GNPTAB: variants seen among roughly 807,000 people sequenced by gnomAD.
GNPTAB encodes N-acetylglucosamine-1-phosphate transferase subunits alpha and beta.
A neutral mutation model predicts 136.6 loss-of-function variants in GNPTAB; 92 were observed. The ratio of observed to expected loss-of-function variants is 0.67; its 90% CI spans 0.57 to 0.80. The LOEUF (loss-of-function observed/expected upper bound fraction) is 0.80, where lower values mean the gene tolerates loss of function less well. Among genes scored for constraint, GNPTAB ranks in the 30% least tolerant of loss-of-function variants. The pLI, the probability that GNPTAB is intolerant of heterozygous loss-of-function variation, is 0.00. For synonymous variants in GNPTAB, 512 were observed against 535.1 expected (o/e 0.96, Z 0.60); for missense variants, 1,343 against 1,501.8 (o/e 0.89, Z 1.75).
At chr12:101,795,475 G>A (rs919573762) in intron 2 of GNPTAB, among the ~76,000 whole-genome samples, 16 of 152,154 alleles carry the variant, frequency 1.1e-4, no homozygotes, top group African/African-American at 3.6e-4. Flanking sequence ...AGAATAGGCC[G>A]AGAGCGGTGA....
chr12:101,758,739 G>A (rs1465926563), intron 16 of GNPTAB, among the ~76,000 whole-genome samples: 1 of 152,184 alleles, frequency 6.6e-6, no homozygotes, highest in Non-Finnish European at 1.5e-5. Flanking sequence ...TTTCACCAAT[G>A]GCTGCCACTT....
At chr12:101,755,888 G>A (rs943359162) in intron 18 of GNPTAB, among the ~76,000 whole-genome samples, 22 of 152,162 alleles carry the variant, frequency 1.4e-4, no homozygotes, top group Admixed American at 9.2e-4. Context: ...AAATGTCTAT[G>A]AATACTCTAA....
chr12:101,781,175 T>A (rs1347290628), intron 5 of GNPTAB, among the ~76,000 whole-genome samples: 2 of 151,976 alleles, frequency 1.3e-5, no homozygotes, highest in Admixed American at 1.3e-4. Context: ...GGATTGGGGG[T>A]GACACAGCCC....
intron 7 of GNPTAB, chr12:101,773,902 T>C (rs1403655969): frequency 6.6e-6 from 1 of 152,244 alleles, no homozygotes; most frequent in African/African-American, 2.4e-5. Flanking sequence ...ATATATGGCA[T>C]CTTATTTTAA....
chr12:101,765,251 TA>T lies in GNPTAB; in HGVS notation c.1665del (p.Tyr555Ter), dbSNP rs1566074689. On this transcript the variant is annotated frameshift_variant, in exon 13 of 21. Transcript: ENST00000299314. LOFTEE classifies it high-confidence loss of function. ...KVILLPNQTHYIIPKGECLPY... is the reference protein window; with the variant it reads ...KVILLPNQTHXIIPKGECLPY... ...GGCAGGCATTCACCTTTTGGAATAATATAGTGAGTCTGGTTTGGGAGAAGGA... is the reference window on the plus strand; with the variant it reads ...GGCAGGCATTCACCTTTTGGAATAATTAGTGAGTCTGGTTTGGGAGAAGGA... The T allele has an allele frequency of 6.2e-7, 1 of 1,614,008 alleles. No individual in the cohort carries two copies. The highest frequency in any genetic ancestry group is 1.7e-5 in the Admixed American group (1 of 60,022).
intron 7 of GNPTAB, among the ~76,000 whole-genome samples, chr12:101,772,758 C>T (rs1953197812): frequency 6.6e-6 from 1 of 152,142 alleles, no homozygotes. Flanking sequence ...ACCCCCAAAG[C>T]ATTTCTGAGG....
At chr12:101,747,310 T>C (rs189092360) in intron 20 of GNPTAB, 69 bp from the exon 21 acceptor site, 1 of 870,764 alleles carries the variant, frequency 1.1e-6, no homozygotes, top group African/African-American at 1.7e-5. Context: ...TGCATCAAAC[T>C]TTCTAAGAGC....
intron 1 of GNPTAB, among the ~76,000 whole-genome samples, chr12:101,800,318 C>T (rs1264943700): frequency 6.6e-6 from 1 of 151,902 alleles, no homozygotes; most frequent in East Asian, 1.9e-4. Context: ...GACCTCGTCT[C>T]TATTTTTTCC....
intron 7 of GNPTAB, chr12:101,779,638 T>C (rs1319873641): frequency 5.9e-6 from 1 of 168,184 alleles, no homozygotes; most frequent in East Asian, 1.6e-4. Context: ...CCTTTATGAG[T>C]GAAAGCTTTG....
intron 7 of GNPTAB, among the ~76,000 whole-genome samples, chr12:101,776,860 C>T (rs2137132508): frequency 6.6e-6 from 1 of 152,378 alleles, no homozygotes; most frequent in South Asian, 2.1e-4. Flanking sequence ...CCCTAGGTGG[C>T]TCCAGGGCCA....
At chr12:101,765,472 T>C in intron 12 of GNPTAB, 168 bp from the exon 13 acceptor site, 3 of 613,498 alleles carry the variant, frequency 4.9e-6, no homozygotes, top group Non-Finnish European at 8.6e-6. Flanking sequence ...ATGCCTAAAC[T>C]GTTCTAATTT....
chr12:101,747,013 G>T lies in GNPTAB; in HGVS notation c.*151C>A. ...TGGTTAAATAATTCCTGGTCAGTGG[G>T]CTATATTCATGCCACAAAACAGCAT... is the stretch of plus-strand genomic sequence containing the variant. On this transcript the variant is annotated 3_prime_UTR_variant, in exon 21 of 21. Coordinates refer to ENST00000299314, the MANE Select transcript of GNPTAB (RefSeq NM_024312.5). 1.5e-6 allele frequency: 1 copy of T among 670,064 alleles called. No homozygotes were observed. Among genetic ancestry groups the T allele is most frequent in the Non-Finnish European group, 2.7e-6 (1 of 363,718 alleles). 41.5% of individuals were successfully genotyped at this position (670,064 alleles called of 1,614,324 possible). A position where few individuals can be genotyped will look rare whatever the true frequency, so the allele number is the denominator to read the frequency against.
At chr12:101,801,998 G>A (rs1220442244) in intron 1 of GNPTAB, among the ~76,000 whole-genome samples, 2 of 151,868 alleles carry the variant, frequency 1.3e-5, no homozygotes, top group Non-Finnish European at 2.9e-5. Context: ...GGCCAGCCTG[G>A]GCAACAAACT....
intron 1 of GNPTAB, among the ~76,000 whole-genome samples, chr12:101,799,846 A>G (rs1869510437): frequency 7.4e-6 from 1 of 135,102 alleles, no homozygotes; most frequent in African/African-American, 2.7e-5. Flanking sequence ...ATCTCTAATC[A>G]GCCTCTAGAT....
At chr12:101,757,699 G>T in intron 16 of GNPTAB, 42 bp from the exon 17 acceptor site, 1 of 934,284 alleles carries the variant, frequency 1.1e-6, no homozygotes, top group South Asian at 1.3e-5. Flanking sequence ...CATCAGAGCT[G>T]AAACTAGGGC....
At chr12:101,790,746 A>C (rs1868939620) in intron 2 of GNPTAB, among the ~76,000 whole-genome samples, 1 of 151,426 alleles carries the variant, frequency 6.6e-6, no homozygotes, top group Non-Finnish European at 1.5e-5. Context: ...TCTCTAAAAA[A>C]AAAAAAAAAA....
Position 101,821,400 on chromosome 12 carries a change from T to C in GNPTAB, c.117+9159A>G, listed in dbSNP as rs188681045. ...GTGACCAGGATGCTGAGCACAGAAA[T>C]AGCAAATAAGTTTCATCTCCCAGGC... On this transcript the variant is annotated intron_variant, in intron 1 of 20. Coordinates refer to ENST00000299314, the MANE Select transcript of GNPTAB (RefSeq NM_024312.5). Among the ~76,000 whole-genome samples the C allele has an allele frequency of 3.3e-5, 5 of 152,308 alleles. No individual in the cohort carries two copies. The East Asian group carries it at 7.7e-4, about 24-fold the overall frequency.
At chr12:101,787,653 G>A (rs1473239781) in intron 4 of GNPTAB, among the ~76,000 whole-genome samples, 2 of 152,032 alleles carry the variant, frequency 1.3e-5, no homozygotes, top group Non-Finnish European at 2.9e-5. Context: ...GGTGACTCAC[G>A]CCTGTAATCC....
intron 19 of GNPTAB, among the ~76,000 whole-genome samples, chr12:101,752,111 C>T (rs1481601145): frequency 6.6e-6 from 1 of 151,842 alleles, no homozygotes; most frequent in Non-Finnish European, 1.5e-5. Flanking sequence ...AATAAATTAG[C>T]TGATTTAACA....
Sources: gnomAD v4.1 joint callset for allele counts (sites outside exome capture counted in the v4.1 genomes callset) on GRCh38, gnomAD v4.1.1 for gene constraint, MANE v1.5 for transcripts, NCBI Gene and HGNC (gene_info 2026-07-23, HGNC 2026-07-21) for gene names.